ARHGAP8: variants seen among roughly 807,000 people sequenced by gnomAD.
ARHGAP8 encodes Rho GTPase activating protein 8.
ARHGAP8 carries 62 observed loss-of-function variants against 46.1 expected under a neutral mutation model. The observed-to-expected ratio is 1.34, with a 90% CI of 1.10 to 1.66. The LOEUF (loss-of-function observed/expected upper bound fraction) is 1.66, where lower values mean the gene tolerates loss of function less well. Ranked by LOEUF, ARHGAP8 falls within the 40% of genes most tolerant of loss-of-function variation. The pLI, the probability that ARHGAP8 is intolerant of heterozygous loss-of-function variation, is 0.00. For synonymous variants in ARHGAP8, 375 were observed against 243.1 expected (o/e 1.54, Z -5.05); for missense variants, 923 against 568.4 (o/e 1.62, Z -6.34).
At position 44,811,953 on chromosome 22, in the gene ARHGAP8, C is replaced by T. The variant is rs187929848; in HGVS notation, c.300-2719C>T. Among the ~76,000 whole-genome samples the T allele has an allele frequency of 3.9e-4, 59 of 150,680 alleles. No homozygotes were observed. The East Asian group carries it at 5.7e-3, about 15-fold the overall frequency. On this transcript the variant is annotated intron_variant, in intron 4 of 11. Transcript: ENST00000356099. ...CAGAGGTTGCAGTGAGCTGAGATCG[C>T]GCCACCGCACTCCATCCTGGGCAAC... is the stretch of plus-strand genomic sequence containing the variant.
chr22:44,834,004 C>T (rs1931127053), intron 7 of ARHGAP8, among the ~76,000 whole-genome samples: 1 of 152,094 alleles, frequency 6.6e-6, no homozygotes, highest in South Asian at 2.1e-4. Flanking sequence ...GTTTCCTCTT[C>T]CATTCCTGAT....
chr22:44,853,499 G>T (rs1313182470), intron 10 of ARHGAP8, among the ~76,000 whole-genome samples: 2 of 152,156 alleles, frequency 1.3e-5, no homozygotes, highest in African/African-American at 2.4e-5. Flanking sequence ...CCGCAAGCGT[G>T]CGCCGTAGTT....
At chr22:44,821,990 C>T (rs1930183655) in intron 5 of ARHGAP8, among the ~76,000 whole-genome samples, 2 of 152,268 alleles carry the variant, frequency 1.3e-5, no homozygotes, top group African/African-American at 4.8e-5. Flanking sequence ...GGGCAGGCTT[C>T]AACCTCAGAG....
intron 1 of ARHGAP8, among the ~76,000 whole-genome samples, chr22:44,754,106 G>A (rs6007274): frequency 0.078 from 11,795 of 152,118 alleles, 1,499 homozygotes; most frequent in African/African-American, 0.26. Flanking sequence ...GCCCTCAGGG[G>A]CCCAGAGTCT....
intron 1 of ARHGAP8, among the ~76,000 whole-genome samples, chr22:44,761,786 T>G (rs149405727): frequency 0.016 from 2,501 of 152,294 alleles, 38 homozygotes; most frequent in Non-Finnish European, 0.024. Flanking sequence ...TTTAATTGAC[T>G]TACAGTTCCA....
chr22:44,854,991 CAG>C lies in ARHGAP8; in HGVS notation c.878-4737_878-4736del, dbSNP rs201489565. On this transcript the variant is annotated intron_variant, in intron 10 of 11. Transcript: ENST00000356099. Reference sequence around the variant, plus strand: ...ACTAACAATATCAGACTAATCTTGTCAGAGTTACTCAAGTCACAAGAACTTGA... The same window carrying C: ...ACTAACAATATCAGACTAATCTTGTCAGTTACTCAAGTCACAAGAACTTGA... Among the ~76,000 whole-genome samples the C allele has an allele frequency of 6.6e-3, 1,004 of 152,240 alleles. 12 individuals are homozygous for C. The highest frequency in any genetic ancestry group is 0.06 in the East Asian group (309 of 5,176).
intron 1 of ARHGAP8, among the ~76,000 whole-genome samples, chr22:44,778,187 C>G (rs568432740): frequency 6.6e-5 from 10 of 152,182 alleles, no homozygotes; most frequent in African/African-American, 2.2e-4. Context: ...CCCTTCCCAC[C>G]CTTTCCCTCT....
intron 11 of ARHGAP8, among the ~76,000 whole-genome samples, chr22:44,862,018 G>C (rs550808565): frequency 2.0e-5 from 3 of 152,148 alleles, no homozygotes; most frequent in Admixed American, 1.3e-4. Flanking sequence ...AGGAGATAGT[G>C]GGGGGTTGAG....
chr22:44,803,454 G>A (rs1411821188), intron 3 of ARHGAP8, among the ~76,000 whole-genome samples: 1 of 152,094 alleles, frequency 6.6e-6, no homozygotes, highest in Non-Finnish European at 1.5e-5. Flanking sequence ...CCAAAGCTGT[G>A]TGTGGCCTCT....
chr22:44,862,231 C>G, intron 11 of ARHGAP8, 44 bp from the exon 12 acceptor site: 1 of 1,548,228 alleles, frequency 6.5e-7, no homozygotes, highest in African/African-American at 1.4e-5. Context: ...GTGCCCGTGC[C>G]CCTTGGTGTT....
chr22:44,760,624 G>A (rs1409330949), intron 1 of ARHGAP8, among the ~76,000 whole-genome samples: 2 of 152,240 alleles, frequency 1.3e-5, no homozygotes, highest in African/African-American at 2.4e-5. Context: ...TAATTTGCCC[G>A]AGGTAAGTAG....
Position 44,862,268 on chromosome 22 carries a change from C to A in ARHGAP8, c.982-7C>A. On this transcript the variant is annotated splice_region_variant and splice_polypyrimidine_tract_variant and intron_variant, in intron 11 of 11. Transcript: ENST00000356099. Reference sequence around the variant, plus strand: ...ACTCCCCTTTACTTGTGTGTGGTTTCCTCCAGGTGTCCCGGGAGAGCATCT... The same window carrying A: ...ACTCCCCTTTACTTGTGTGTGGTTTACTCCAGGTGTCCCGGGAGAGCATCT... 3 of 1,582,102 alleles carry A rather than the reference C, an allele frequency of 1.9e-6. No homozygotes were observed. Among genetic ancestry groups the A allele is most frequent in the Non-Finnish European group, 2.6e-6 (3 of 1,159,498 alleles).
chr22:44,805,144 G>T (rs185657660), intron 3 of ARHGAP8, among the ~76,000 whole-genome samples: 1 of 152,324 alleles, frequency 6.6e-6, no homozygotes, highest in East Asian at 1.9e-4. Context: ...GCATTCCCTT[G>T]TCAGGTCATT....
intron 1 of ARHGAP8, among the ~76,000 whole-genome samples, chr22:44,774,979 C>T (rs1926318847): frequency 6.6e-6 from 1 of 151,842 alleles, no homozygotes; most frequent in Non-Finnish European, 1.5e-5. Flanking sequence ...AACAGGCACT[C>T]ACCACCATGC....
intron 7 of ARHGAP8, among the ~76,000 whole-genome samples, chr22:44,827,656 T>G (rs974655292): frequency 6.6e-6 from 1 of 152,126 alleles, no homozygotes; most frequent in African/African-American, 2.4e-5. Context: ...TTGTGTTGTT[T>G]TAAGCTACCA....
At chr22:44,763,449 G>A (rs574638113) in intron 1 of ARHGAP8, among the ~76,000 whole-genome samples, 3 of 131,724 alleles carry the variant, frequency 2.3e-5, no homozygotes, top group South Asian at 2.4e-4. Context: ...CCGAGATCAC[G>A]CCACTGCATT....
chr22:44,855,506 AGTTAAGATTACCTGTTGAGGGTGAAAGTT>A (rs1436128831), intron 10 of ARHGAP8, among the ~76,000 whole-genome samples: 2 of 152,210 alleles, frequency 1.3e-5, no homozygotes, highest in Non-Finnish European at 2.9e-5. Context: ...GTTTCATACA[AGTTAAGATTACCTGTTGAGGGTGAAAGTT>A]GTTATCAGTA....
Position 44,854,112 on chromosome 22 carries a change from T to C in ARHGAP8, c.877+5052T>C, listed in dbSNP as rs183411654. Among the ~76,000 whole-genome samples, 427 of 149,874 alleles carry C rather than the reference T, an allele frequency of 2.8e-3. 6 individuals are homozygous for C. The highest frequency in any genetic ancestry group is 0.01 in the African/African-American group (415 of 40,708). On this transcript the variant is annotated intron_variant, in intron 10 of 11. Coordinates refer to ENST00000356099, the MANE Select transcript of ARHGAP8 (RefSeq NM_181335.3). ...TGTAGATTTGAGAGAATTCCTCTCT[T>C]CTCAAGGTTCTCAATATATTTTAAG...
At chr22:44,852,700 C>G (rs77112416) in intron 10 of ARHGAP8, among the ~76,000 whole-genome samples, 1 of 152,256 alleles carries the variant, frequency 6.6e-6, no homozygotes, top group East Asian at 1.9e-4. Context: ...AGGGTGACTA[C>G]CTAAGTCAGC....
Sources: gnomAD v4.1 joint callset for allele counts (sites outside exome capture counted in the v4.1 genomes callset) on GRCh38, gnomAD v4.1.1 for gene constraint, MANE v1.5 for transcripts, NCBI Gene and HGNC (gene_info 2026-07-23, HGNC 2026-07-21) for gene names.